Variants in DMD observed in about 807,000 individuals in gnomAD.
DMD encodes the protein dystrophin.
Under a neutral mutation model 330.1 loss-of-function variants are expected in DMD, and 63 were observed. That is an observed-to-expected ratio of 0.19 (90% CI 0.16 to 0.24). DMD has a LOEUF of 0.24. Among genes scored for constraint, DMD ranks in the 10% least tolerant of loss-of-function variants. DMD has a pLI of 1.00. For synonymous variants in DMD, 1,223 were observed against 959.8 expected, an observed-to-expected ratio of 1.27 and a Z score of -5.07; for missense variants, 3,344 against 2,684.1, an observed-to-expected ratio of 1.25 and a Z score of -5.43.
At chrX:32,368,603 G>C (rs1037027525) in intron 34 of DMD, among the ~76,000 whole-genome samples, 1 of 111,908 alleles carries the variant, frequency 8.9e-6, no homozygotes, top group African/African-American at 3.2e-5. Context: ...TGCATCTTCA[G>C]ATGTATGGAG....
At chrX:31,654,603 T>C (rs1051437764) in intron 54 of DMD, among the ~76,000 whole-genome samples, 1 of 112,010 alleles carries the variant, frequency 8.9e-6, no homozygotes, top group South Asian at 3.7e-4. Flanking sequence ...ATCATGTCCT[T>C]TGCAGGGACA....
At chrX:31,756,355 C>T (rs1399208837) in intron 51 of DMD, among the ~76,000 whole-genome samples, 1 of 112,282 alleles carries the variant, frequency 8.9e-6, no homozygotes, top group Non-Finnish European at 1.9e-5. Context: ...TTTCAATCTC[C>T]ACTGTTTTTA....
chrX:31,697,875 A>G (rs2083545069), intron 52 of DMD, among the ~76,000 whole-genome samples: 1 of 112,007 alleles, frequency 8.9e-6, no homozygotes, highest in Admixed American at 9.5e-5. Context: ...ACCCTGGATT[A>G]GCGATGAAAT....
At chrX:31,182,338 TCA>T (rs1026912264) in intron 68 of DMD, among the ~76,000 whole-genome samples, 1 of 112,420 alleles carries the variant, frequency 8.9e-6, no homozygotes, top group Admixed American at 9.4e-5. Context: ...GAATCATCTC[TCA>T]GTTTTATAAC....
At chrX:32,727,604 A>G (rs969592231) in intron 7 of DMD, among the ~76,000 whole-genome samples, 5 of 110,721 alleles carry the variant, frequency 4.5e-5, no homozygotes, top group Admixed American at 9.7e-5. Context: ...ATATTTCCTT[A>G]GGAAAATATC....
chrX:32,467,038 G>T (rs2040101680), intron 23 of DMD, among the ~76,000 whole-genome samples: 1 of 111,919 alleles, frequency 8.9e-6, no homozygotes, highest in African/African-American at 3.2e-5. Context: ...TGCCCTCTTA[G>T]GCCACTGGTC....
chrX:32,597,742 G>A (rs1022029463), intron 12 of DMD, among the ~76,000 whole-genome samples: 2 of 111,511 alleles, frequency 1.8e-5, no homozygotes, highest in Non-Finnish European at 3.8e-5. Flanking sequence ...AATAAATTAG[G>A]GGTAAACAAA....
At chrX:31,541,787 G>A (rs375630344) in intron 55 of DMD, among the ~76,000 whole-genome samples, 3 of 110,547 alleles carry the variant, frequency 2.7e-5, no homozygotes, top group Admixed American at 9.7e-5. Flanking sequence ...AAATAGTGCC[G>A]CAATAAACAT....
At chrX:33,248,232 G>C (rs1457140734) in intron 1 of DMD, among the ~76,000 whole-genome samples, 3 of 110,689 alleles carry the variant, frequency 2.7e-5, no homozygotes, top group Non-Finnish European at 5.7e-5. Flanking sequence ...TAGTATAGAC[G>C]TGGTTTCACC....
intron 43 of DMD, among the ~76,000 whole-genome samples, chrX:32,232,116 G>A (rs1423279993): frequency 9.0e-6 from 1 of 111,246 alleles, no homozygotes; most frequent in Non-Finnish European, 1.9e-5. Flanking sequence ...ATTTCAACTA[G>A]AAATAGCAAG....
intron 55 of DMD, among the ~76,000 whole-genome samples, chrX:31,573,781 G>A (rs1180284458): frequency 9.0e-6 from 1 of 110,999 alleles, no homozygotes; most frequent in African/African-American, 3.3e-5. Context: ...AGAGATAGAA[G>A]GCCCTTTAAC....
At chrX:32,959,322 A>G (rs754407074) in intron 2 of DMD, among the ~76,000 whole-genome samples, 1 of 111,427 alleles carries the variant, frequency 9.0e-6, no homozygotes, top group African/African-American at 3.3e-5. Context: ...AACTCTTAAT[A>G]GCTACATTCT....
rs1030810798 is a variant in DMD at position 32,639,672 on chromosome X, G to C, written c.1331+4460C>G. Among the ~76,000 whole-genome samples the C allele has an allele frequency of 2.7e-5, 3 of 112,242 alleles. No homozygotes were observed. In the East Asian group the frequency reaches 8.4e-4, roughly 31 times the overall value. ...TACAATAGCAAGGAAAGAATCAAATGAGAGTGTGGTTATGAAGGAGAAAGA... is the reference window on the plus strand; with the variant it reads ...TACAATAGCAAGGAAAGAATCAAATCAGAGTGTGGTTATGAAGGAGAAAGA... On this transcript the variant is annotated intron_variant, in intron 11 of 78. Transcript: ENST00000357033.
chrX:31,619,494 A>G lies in DMD; in HGVS notation c.8217+8179T>C, dbSNP rs143721380. On this transcript the variant is annotated intron_variant, in intron 55 of 78. Coordinates refer to ENST00000357033, the MANE Select transcript of DMD (RefSeq NM_004006.3). ...TGACTTTTGTTTAATGGTAATTCAT[A>G]AAATTAATAAGGACCTTTCACTTGA... Among the ~76,000 whole-genome samples the G allele has an allele frequency of 8.7e-4, 98 of 112,077 alleles. 1 individual carries two copies. In the East Asian group the frequency reaches 0.026, roughly 30 times the overall value.
At position 31,750,226 on chromosome X, in the gene DMD, A is replaced by G. The variant is rs1218616775; in HGVS notation, c.7543-20478T>C. Among the ~76,000 whole-genome samples, 3 of 108,467 alleles carry G rather than the reference A, an allele frequency of 2.8e-5. No individual in the cohort carries two copies. The East Asian group carries it at 8.7e-4, about 31-fold the overall frequency. The allele number at this position is 108,467 out of a possible 115,157, so 94.2% of individuals were successfully genotyped here. ...AGACATGAAGTCCTTGCCCATGCCT[A>G]TGTCCTGAATGGTAATGCCTAGGTT... is the stretch of plus-strand genomic sequence containing the variant. On this transcript the variant is annotated intron_variant, in intron 51 of 78. Transcript: ENST00000357033.
chrX:32,165,701 G>A (rs1353987840), intron 44 of DMD, among the ~76,000 whole-genome samples: 1 of 111,564 alleles, frequency 9.0e-6, no homozygotes, highest in African/African-American at 3.3e-5. Context: ...GGGGCCAGGA[G>A]CAAAATGATA....
Position 32,250,882 on chromosome X carries a change from T to A in DMD, c.6291-33819A>T, listed in dbSNP as rs1394362487. ...CCTCATAAAACAGGATGACTTCATG[T>A]CCTTTGCAGGGACATGGATGAAGCT... On this transcript the variant is annotated intron_variant, in intron 43 of 78. Coordinates refer to ENST00000357033, the MANE Select transcript of DMD (RefSeq NM_004006.3). Among the ~76,000 whole-genome samples the A allele has an allele frequency of 2.7e-5, 3 of 111,374 alleles. No homozygotes were observed. In the Admixed American group the frequency reaches 2.9e-4, roughly 11 times the overall value.
chrX:32,732,599 G>A (rs755651540), intron 7 of DMD, among the ~76,000 whole-genome samples: 3 of 111,294 alleles, frequency 2.7e-5, no homozygotes, highest in African/African-American at 9.8e-5. Flanking sequence ...GAGAGTGGGG[G>A]CCAATATTCA....
chrX:33,107,205 G>A (rs763382357), intron 1 of DMD, among the ~76,000 whole-genome samples: 96 of 108,976 alleles, frequency 8.8e-4, no homozygotes, highest in African/African-American at 3.0e-3. Flanking sequence ...CCAGCTACTC[G>A]GGAGGCTGAG....
Sources: allele counts gnomAD v4.1 joint callset (sites outside exome capture counted in the v4.1 genomes callset), GRCh38; gene constraint gnomAD v4.1.1; transcripts MANE v1.5; gene names NCBI Gene and HGNC (gene_info 2026-07-23, HGNC 2026-07-21).